Variants in TMEM178B observed in about 807,000 individuals in gnomAD.
TMEM178B encodes the protein transmembrane protein 178B.
A neutral mutation model predicts 31.0 loss-of-function variants in TMEM178B; 5 were observed. The ratio of observed to expected loss-of-function variants is 0.16; its 90% confidence interval spans 0.08 to 0.34. The LOEUF is 0.34. Ranked by LOEUF, TMEM178B falls within the 10% of genes least tolerant of loss-of-function variation. The probability of loss-of-function intolerance (pLI) is 1.00; values close to 1 mark genes in which losing one functional copy is unlikely to be tolerated. For missense variants in TMEM178B, 275 were observed against 400.3 expected, an observed-to-expected ratio of 0.69 and a Z score of 2.67; for synonymous variants, 164 against 164.0, an observed-to-expected ratio of 1.00 and a Z score of 0.00.
chr7:141,285,641 A>G (rs1414556677), intron 2 of TMEM178B, among the ~76,000 whole-genome samples: 1 of 152,214 alleles, frequency 6.6e-6, no homozygotes, highest in Non-Finnish European at 1.5e-5. Flanking sequence ...AGACACATGC[A>G]CACGTATGTT....
chr7:141,412,356 T>C (rs998096793), intron 2 of TMEM178B, among the ~76,000 whole-genome samples: 2 of 152,168 alleles, frequency 1.3e-5, no homozygotes, highest in African/African-American at 4.8e-5. Flanking sequence ...CGTTTGAATA[T>C]TCTGATTCAA....
intron 2 of TMEM178B, among the ~76,000 whole-genome samples, chr7:141,289,777 C>CT (rs1798515443): frequency 6.6e-6 from 1 of 151,240 alleles, no homozygotes; most frequent in Non-Finnish European, 1.5e-5. Context: ...AGGTGCAGGG[C>CT]TTTCATGGGG....
At chr7:141,242,455 G>A (rs1340105277) in intron 2 of TMEM178B, among the ~76,000 whole-genome samples, 3 of 148,616 alleles carry the variant, frequency 2.0e-5, no homozygotes, top group African/African-American at 7.5e-5. Context: ...TTCGCTCTGT[G>A]GCTATTTTCA....
chr7:141,132,354 T>A (rs1247831743), intron 1 of TMEM178B, among the ~76,000 whole-genome samples: 1 of 152,188 alleles, frequency 6.6e-6, no homozygotes, highest in Non-Finnish European at 1.5e-5. Context: ...AGCTTTCAGA[T>A]CAGTGCTGGC....
chr7:141,485,146 C>T (rs1044366703), downstream of TMEM178B, among the ~76,000 whole-genome samples: 1 of 152,118 alleles, frequency 6.6e-6, no homozygotes, highest in South Asian at 2.1e-4. Flanking sequence ...CTTGGGTAGT[C>T]ACAGGAGAGG....
chr7:141,389,220 G>GC (rs1697448571), intron 2 of TMEM178B, among the ~76,000 whole-genome samples: 1 of 152,230 alleles, frequency 6.6e-6, no homozygotes, highest in African/African-American at 2.4e-5. Flanking sequence ...AGAATGCATA[G>GC]TAAAAAACAC....
intron 2 of TMEM178B, among the ~76,000 whole-genome samples, chr7:141,240,723 G>A (rs1054181989): frequency 2.0e-5 from 3 of 152,234 alleles, no homozygotes; most frequent in Non-Finnish European, 2.9e-5. Flanking sequence ...ACACACAGCT[G>A]TGTGCACTGT....
the TMEM178B span, among the ~76,000 whole-genome samples, chr7:141,494,751 C>A: frequency 1.3e-5 from 2 of 152,066 alleles, no homozygotes; most frequent in East Asian, 1.9e-4. Flanking sequence ...GACAAACAAA[C>A]AAAAAAATTA....
intron 1 of TMEM178B, among the ~76,000 whole-genome samples, chr7:141,079,786 C>T (rs1290119487): frequency 6.6e-6 from 1 of 152,100 alleles, no homozygotes; most frequent in Non-Finnish European, 1.5e-5. Context: ...TATGTATTAG[C>T]TAATTTATTG....
rs1222319047 is a variant in TMEM178B at position 141,291,182 on chromosome 7, G to T, written c.496+78478G>T. On this transcript the variant is annotated intron_variant, in intron 2 of 3. Transcript: ENST00000565468. ...ATGCTTTGCCATCTATATTGGGAAAGTGTTATTTATCCCCTGCAGCTGGAG... is the reference window on the plus strand; with the variant it reads ...ATGCTTTGCCATCTATATTGGGAAATTGTTATTTATCCCCTGCAGCTGGAG... 2.0e-5 allele frequency among the ~76,000 whole-genome samples: 3 copies of T among 152,176 alleles called. No individual in the cohort carries two copies. In the East Asian group the frequency reaches 5.8e-4, roughly 29 times the overall value.
At chr7:141,244,726 G>A (rs1452403560) in intron 2 of TMEM178B, among the ~76,000 whole-genome samples, 1 of 152,184 alleles carries the variant, frequency 6.6e-6, no homozygotes, top group Admixed American at 6.5e-5. Context: ...CGAGAGTCAT[G>A]GAATAGAGGT....
At chr7:141,440,011 A>C (rs1405854493) in intron 3 of TMEM178B, among the ~76,000 whole-genome samples, 1 of 152,236 alleles carries the variant, frequency 6.6e-6, no homozygotes, top group Non-Finnish European at 1.5e-5. Flanking sequence ...CAAACAATAA[A>C]GGGACAGAAT....
At chr7:141,276,862 A>G (rs1798275045) in intron 2 of TMEM178B, among the ~76,000 whole-genome samples, 1 of 152,232 alleles carries the variant, frequency 6.6e-6, no homozygotes, top group African/African-American at 2.4e-5. Context: ...TGTACTGAAT[A>G]TGGTAGGCAA....
chr7:141,494,802 T>A, the TMEM178B span, among the ~76,000 whole-genome samples: 4 of 152,190 alleles, frequency 2.6e-5, no homozygotes, highest in African/African-American at 7.2e-5. Context: ...CATGAGTATA[T>A]GTTTTTAAAG....
At chr7:141,114,785 G>A (rs534287677) in intron 1 of TMEM178B, among the ~76,000 whole-genome samples, 2 of 152,308 alleles carry the variant, frequency 1.3e-5, no homozygotes, top group East Asian at 3.9e-4. Context: ...TGCTTAAGCG[G>A]GGAATTCAGG....
rs546895472 is a variant in TMEM178B, at chr7:141,279,609, A to G, written c.496+66905A>G. Among the ~76,000 whole-genome samples, 91 of 152,276 alleles carry G rather than the reference A, an allele frequency of 6.0e-4. 1 individual carries two copies. Among genetic ancestry groups the G allele is most frequent in the African/African-American group, 2.1e-3 (89 of 41,572 alleles). On this transcript the variant is annotated intron_variant, in intron 2 of 3. Transcript: ENST00000565468. ...AGGCAAAGTAACTGTTCCCTTAGCA[A>G]GGCAAAATCTAGCAAGCTGGACTCA...
intron 1 of TMEM178B, among the ~76,000 whole-genome samples, chr7:141,139,413 A>G (rs1009044855): frequency 6.6e-6 from 1 of 152,200 alleles, no homozygotes; most frequent in African/African-American, 2.4e-5. Context: ...GTTCAGTGAC[A>G]TAATCATGGC....
intron 1 of TMEM178B, among the ~76,000 whole-genome samples, chr7:141,112,546 G>A (rs1795250809): frequency 6.6e-6 from 1 of 152,186 alleles, no homozygotes; most frequent in Admixed American, 6.5e-5. Flanking sequence ...GAGCCACCAC[G>A]CCTAACCGAA....
chr7:141,123,315 A>G (rs1185258417), intron 1 of TMEM178B, among the ~76,000 whole-genome samples: 1 of 152,176 alleles, frequency 6.6e-6, no homozygotes, highest in East Asian at 1.9e-4. Flanking sequence ...TAGTGCCAAG[A>G]CTGGTGGTGT....
Sources: allele counts gnomAD v4.1 joint callset (sites outside exome capture counted in the v4.1 genomes callset), GRCh38; gene constraint gnomAD v4.1.1; transcripts MANE v1.5; gene names NCBI Gene and HGNC (gene_info 2026-07-23, HGNC 2026-07-21).